Variants in VPS52 observed in about 807,000 individuals in gnomAD.
The protein encoded by VPS52 is VPS52 subunit of GARP complex, also known as vacuolar protein sorting-associated protein 52 homolog.
A neutral mutation model predicts 98.7 loss-of-function variants in VPS52; 56 were observed. That is an observed-to-expected ratio of 0.57 (90% confidence interval 0.46 to 0.71). The LOEUF (loss-of-function observed/expected upper bound fraction) is 0.71. Ranked by LOEUF, VPS52 falls within the 30% of genes least tolerant of loss-of-function variation. The probability of loss-of-function intolerance (pLI) is 0.00; values close to 1 mark genes in which losing one functional copy is unlikely to be tolerated. For synonymous variants in VPS52, 348 were observed against 346.4 expected (o/e 1.00, Z -0.05); for missense variants, 742 against 925.9 (o/e 0.80, Z 2.58).
rs377033484 is a variant in VPS52, at chr6:33,251,840, T to C, written c.1906+20A>G. ...ACTTCCCTTACCACTGATCCCATCA[T>C]TACCATATTTTCCTCATACCTTCTT... On this transcript the variant is annotated intron_variant, in intron 18 of 19. Transcript: ENST00000445902. 3.8e-4 allele frequency: 617 copies of C among 1,611,614 alleles called. No individual in the cohort carries two copies. Among genetic ancestry groups the C allele is most frequent in the Admixed American group, 6.0e-4 (36 of 60,020 alleles).
At chr6:33,271,291 T>G (rs973688473) in intron 1 of VPS52, 17 of 629,456 alleles carry the variant, frequency 2.7e-5, no homozygotes, top group African/African-American at 7.2e-5. Context: ...GTGGCAGAGA[T>G]AGAACTCAGG....
chr6:33,251,110 A>G, intron 19 of VPS52, 123 bp from the exon 20 acceptor site: 7 of 1,372,344 alleles, frequency 5.1e-6, no homozygotes, highest in South Asian at 1.2e-5. Context: ...GTGGGAGGCC[A>G]TGGCGGGCAG....
At chr6:33,264,542 GGA>G (rs1411559580) in intron 13 of VPS52, 45 bp from the exon 14 acceptor site, 15 of 1,611,830 alleles carry the variant, frequency 9.3e-6, no homozygotes, top group Non-Finnish European at 1.3e-5. Flanking sequence ...AAGGAATGTT[GGA>G]GGGGGATGGG....
At chr6:33,270,327 A>G in intron 1 of VPS52, 44 bp from the exon 2 acceptor site, 1 of 1,549,908 alleles carries the variant, frequency 6.5e-7, no homozygotes, top group Non-Finnish European at 8.8e-7. Context: ...GGTGAAAGAC[A>G]GAAAGAAAAA....
At chr6:33,254,130 C>T (rs551009566) in intron 17 of VPS52, among the ~76,000 whole-genome samples, 3 of 151,948 alleles carry the variant, frequency 2.0e-5, no homozygotes, top group Admixed American at 6.6e-5. Flanking sequence ...TAAAATTAGC[C>T]AGGTGTGGTG....
chr6:33,260,596 A>G (rs1188522917), intron 17 of VPS52, among the ~76,000 whole-genome samples: 1 of 152,136 alleles, frequency 6.6e-6, no homozygotes, highest in African/African-American at 2.4e-5. Flanking sequence ...TAAATGTTGC[A>G]TTTATTGTGT....
At chr6:33,254,844 TTTTTTATTTTTTGTAGAGA>T (rs904150042) in intron 17 of VPS52, 1 of 134,286 alleles carries the variant, frequency 7.4e-6, no homozygotes, top group Non-Finnish European at 1.6e-5. Context: ...CACTCATTTT[TTTTTTATTTTTTGTAGAGA>T]TGGGGTTTCA....
chr6:33,271,423 C>T, intron 1 of VPS52, 163 bp downstream of exon 1: 1 of 1,025,516 alleles, frequency 9.8e-7, no homozygotes, highest in Non-Finnish European at 1.5e-6. Context: ...CCACTAGGGT[C>T]CCGCTCAGGG....
chr6:33,258,251 G>A (rs898965188), intron 17 of VPS52, among the ~76,000 whole-genome samples: 4 of 152,016 alleles, frequency 2.6e-5, no homozygotes, highest in Non-Finnish European at 5.9e-5. Context: ...GCCGGGCGTG[G>A]TAGCACACGC....
Position 33,268,766 on chromosome 6 carries a change from C to T in VPS52, c.549-117G>A, listed in dbSNP as rs1420496952. On this transcript the variant is annotated intron_variant, in intron 6 of 19. Transcript: ENST00000445902. This position sits in a 1 kb window ranked among gnomAD's most constrained non-coding sequence, Gnocchi z 4.0. ...TCATCTCTACCACCTTGCATTGTAC[C>T]ATATAGTCAGGACACATGTACAAAG... 2 of 1,308,468 alleles carry T rather than the reference C, an allele frequency of 1.5e-6. No individual in the cohort carries two copies. The highest frequency in any genetic ancestry group is 2.0e-6 in the Non-Finnish European group (2 of 977,402). The allele number at this position is 1,308,468 out of a possible 1,614,324, so 81.1% of individuals were successfully genotyped here.
chr6:33,266,301 C>T (rs746562091), intron 12 of VPS52, among the ~76,000 whole-genome samples: 3 of 151,578 alleles, frequency 2.0e-5, no homozygotes, highest in African/African-American at 7.3e-5. Context: ...AACACACACC[C>T]GGCTAATTTT....
rs1562576101 is a variant in VPS52, at chr6:33,269,168, C to T, written c.394G>A (p.Ala132Thr). 6.2e-7 allele frequency: 1 copy of T among 1,613,066 alleles called. No homozygotes were observed. The highest frequency in any genetic ancestry group is 8.5e-7 in the Non-Finnish European group (1 of 1,180,030). Residue 132 changes from alanine (A) to threonine (T), a missense_variant, in exon 6 of 20, where the codon GCT (alanine) becomes ACT (threonine). Around this residue, in one of 2 missense-constraint regions of VPS52, gnomAD observed 590 missense variants for 793.3 expected, o/e 0.74. Transcript: ENST00000445902. Reference protein sequence around the residue: ...VLERMEQMLGAFQSDLSSISS... With the variant: ...VLERMEQMLGTFQSDLSSISS... The stretch of plus-strand genomic sequence containing the variant: ...ATGGAGCTGAGGTCACTCTGAAAAG[C>T]TCCCAACATCTGCTCCATTCGCTGT...
At chr6:33,266,428 C>T in intron 12 of VPS52, 129 bp downstream of exon 12, 1 of 1,281,764 alleles carries the variant, frequency 7.8e-7, no homozygotes, top group Non-Finnish European at 1.1e-6. Context: ...CTACCACGCC[C>T]AGCCAAGGCT....
chr6:33,252,745 A>C (rs1435557291), intron 17 of VPS52, among the ~76,000 whole-genome samples: 2 of 152,172 alleles, frequency 1.3e-5, no homozygotes, highest in East Asian at 3.8e-4. Context: ...TAGAATTTAT[A>C]ACTGAAGAAA....
At chr6:33,261,167 G>T (rs1763585745) in intron 17 of VPS52, among the ~76,000 whole-genome samples, 1 of 151,924 alleles carries the variant, frequency 6.6e-6, no homozygotes, top group Non-Finnish European at 1.5e-5. Context: ...AACATACACT[G>T]GGGAAAAGAT....
intron 16 of VPS52, 100 bp downstream of exon 16, chr6:33,263,672 C>G: frequency 1.3e-6 from 2 of 1,581,032 alleles, no homozygotes; most frequent in Non-Finnish European, 1.7e-6. Context: ...GAGTAAAACA[C>G]TGAACAAGAC....
In VPS52 at chr6:33,266,781, G is replaced by A. The variant is rs566815665; in HGVS notation, c.1126-69C>T. 1,608 of 1,533,660 alleles carry A rather than the reference G, an allele frequency of 1.0e-3. 3 individuals are homozygous for A. Among genetic ancestry groups the A allele is most frequent in the Middle Eastern group, 5.5e-3 (25 of 4,570 alleles). On this transcript the variant is annotated intron_variant, in intron 11 of 19. Transcript: ENST00000445902. ...CCAACACTGACTTCCCATGGATATG[G>A]CTGGAAAATCAGTAAACCTGAGTAA...
Position 33,264,048 on chromosome 6 carries a change from A to G in VPS52, c.1580T>C (p.Ile527Thr), listed in dbSNP as rs1399740832. ...SSALVSINQT[I>T]PNERTMQLLG... Reference sequence around the variant, plus strand: ...CAATTGCATGGTCCGTTCATTAGGAATTGTCTGGTTGATACTGACAAGAGC... The same window carrying G: ...CAATTGCATGGTCCGTTCATTAGGAGTTGTCTGGTTGATACTGACAAGAGC... The change falls in exon 15 of 20, where the codon ATT (isoleucine) becomes ACT (threonine). Residue 527 changes from isoleucine to threonine, a missense_variant. Physicochemically the swap from Ile to Thr is moderately conservative, Grantham distance 89. This residue lies in a region of VPS52 where 590 missense variants were observed against 793.3 expected (regional missense o/e 0.74). Transcript: ENST00000445902. 1.9e-6 allele frequency: 3 copies of G among 1,614,084 alleles called. No individual in the cohort carries two copies. Among genetic ancestry groups the G allele is most frequent in the African/African-American group, 1.3e-5 (1 of 74,920 alleles).
In VPS52 at chr6:33,251,936, C is replaced by G. The variant is rs543244475; in HGVS notation, c.1830G>C (p.Gly610=). The change falls in exon 18 of 20, where the codon GGG becomes GGC. Residue 610 remains glycine (G), a synonymous_variant. Transcript: ENST00000445902. ...FIEELLSPPF[G]GLVAFVKEAE... is the part of the protein sequence containing the mutation. ...CCTCCTTCACAAATGCCACTAAACCCCCAAAAGGGGGAGACAGCAACTCTT... is the reference window on the plus strand; with the variant it reads ...CCTCCTTCACAAATGCCACTAAACCGCCAAAAGGGGGAGACAGCAACTCTT... 4 of 1,613,200 alleles carry G rather than the reference C, an allele frequency of 2.5e-6. No individual in the cohort carries two copies. In the African/African-American group the frequency reaches 5.3e-5, roughly 21 times the overall value.
Sources: gnomAD v4.1 joint callset for allele counts (sites outside exome capture counted in the v4.1 genomes callset) on GRCh38, gnomAD v4.1.1 for gene constraint, gnomAD v4.1.1 regional missense constraint, Gnocchi (gnomAD v3.1) non-coding constraint, MANE v1.5 for transcripts, NCBI Gene and HGNC (gene_info 2026-07-23, HGNC 2026-07-21) for gene names.